Variants in TOX3 observed in about 807,000 individuals in gnomAD.
TOX3 encodes the protein CAG trinucleotide repeat-containing gene F9 protein.
Under a neutral mutation model 64.3 loss-of-function variants are expected in TOX3, and 22 were observed. That is an observed-to-expected ratio of 0.34 (90% confidence interval 0.24 to 0.49). The LOEUF is 0.49. Among genes scored for constraint, TOX3 ranks in the 20% least tolerant of loss-of-function variants. TOX3 has a pLI of 0.99. For missense variants in TOX3, 661 were observed against 714.4 expected (o/e 0.93, Z 0.85); for synonymous variants, 291 against 273.6 (o/e 1.06, Z -0.63).
chr16:52,544,946 A>C (rs1280330184), intron 1 of TOX3, among the ~76,000 whole-genome samples: 2 of 152,202 alleles, frequency 1.3e-5, no homozygotes. Context: ...TAGGCAAGGT[A>C]ATGGCTTCCA....
chr16:52,487,379 G>A (rs1192312531), intron 1 of TOX3, among the ~76,000 whole-genome samples: 4 of 151,866 alleles, frequency 2.6e-5, no homozygotes, highest in East Asian at 3.9e-4. Flanking sequence ...AGAAAAATAA[G>A]CTTCCTCAAT....
chr16:52,515,779 C>T (rs1962437559), intron 1 of TOX3, among the ~76,000 whole-genome samples: 2 of 152,248 alleles, frequency 1.3e-5, no homozygotes, highest in Admixed American at 6.5e-5. Flanking sequence ...TTCCTTTTTC[C>T]TTTTAAGGAT....
chr16:52,490,943 T>C (rs1457662801), intron 1 of TOX3, among the ~76,000 whole-genome samples: 2 of 152,160 alleles, frequency 1.3e-5, no homozygotes, highest in Non-Finnish European at 2.9e-5. Flanking sequence ...ATGTGATTTT[T>C]AACACAGTAT....
chr16:52,516,822 G>A (rs1377555618), intron 1 of TOX3, among the ~76,000 whole-genome samples: 5 of 152,170 alleles, frequency 3.3e-5, no homozygotes, highest in Non-Finnish European at 7.4e-5. Context: ...TATTTATTAT[G>A]TGGTGGTTGT....
At chr16:52,447,007 T>C (rs1467540680) in intron 4 of TOX3, among the ~76,000 whole-genome samples, 1 of 152,168 alleles carries the variant, frequency 6.6e-6, no homozygotes. Flanking sequence ...CTCACAAGAA[T>C]ACTCCATAGA....
intron 1 of TOX3, among the ~76,000 whole-genome samples, chr16:52,504,992 G>A (rs962258891): frequency 3.9e-5 from 6 of 151,938 alleles, no homozygotes; most frequent in Admixed American, 3.3e-4. Context: ...GCGCCACCAC[G>A]CCCGGCTAAT....
In TOX3 at chr16:52,439,675, T is replaced by A. The variant is rs1463011920; in HGVS notation, c.1281A>T (p.Ala427=). ...SSMGTTMVGS[A]PSTQVSPSVQ... ...CCGAAGGACTCACTTGGGTGGAGGG[T>A]GCTGAGCCAACCATGGTCGTTCCCA... Residue 427 remains alanine, a synonymous_variant, in exon 7 of 7, where the codon GCA becomes GCT. Coordinates refer to ENST00000219746, the MANE Select transcript of TOX3 (RefSeq NM_001080430.4). 1 of 1,613,790 alleles carries A rather than the reference T, an allele frequency of 6.2e-7. No homozygotes were observed. The highest frequency in any genetic ancestry group is 1.6e-4 in the Middle Eastern group (1 of 6,062).
chr16:52,515,123 A>G (rs1418595156), intron 1 of TOX3, among the ~76,000 whole-genome samples: 1 of 150,920 alleles, frequency 6.6e-6, no homozygotes, highest in African/African-American at 2.4e-5. Context: ...CTCAATATGT[A>G]ATTTAATTTC....
chr16:52,531,801 T>C (rs556542996), intron 1 of TOX3, among the ~76,000 whole-genome samples: 6 of 152,094 alleles, frequency 3.9e-5, no homozygotes, highest in East Asian at 3.9e-4. Context: ...ATAGATTCCA[T>C]TGAAGGTGAG....
intron 1 of TOX3, among the ~76,000 whole-genome samples, chr16:52,484,347 TC>T (rs1336232856): frequency 1.8e-4 from 28 of 152,294 alleles, no homozygotes; most frequent in African/African-American, 6.7e-4. Context: ...CAAAACCATA[TC>T]CAGTTTGACA....
chr16:52,461,034 T>C (rs1192223607), intron 3 of TOX3, among the ~76,000 whole-genome samples: 1 of 152,088 alleles, frequency 6.6e-6, no homozygotes, highest in Non-Finnish European at 1.5e-5. Flanking sequence ...CTTTCTGAAA[T>C]TGATGTACTA....
At chr16:52,520,600 A>C (rs1308603273) in intron 1 of TOX3, among the ~76,000 whole-genome samples, 1 of 152,258 alleles carries the variant, frequency 6.6e-6, no homozygotes, top group Admixed American at 6.5e-5. Flanking sequence ...TGTATTTTAC[A>C]GTTGAAAGTT....
chr16:52,543,923 T>A (rs1123428), intron 1 of TOX3, among the ~76,000 whole-genome samples: 78,045 of 151,920 alleles, frequency 0.51, 20,475 homozygotes, highest in East Asian at 0.63. Flanking sequence ...TTAAAGAGAG[T>A]AATGAATGAA....
intron 1 of TOX3, among the ~76,000 whole-genome samples, chr16:52,478,444 A>AT (rs1961279928): frequency 6.6e-6 from 1 of 152,184 alleles, no homozygotes; most frequent in Non-Finnish European, 1.5e-5. Context: ...AAGGACCTCC[A>AT]TGTGCCCTCC....
At chr16:52,516,917 C>T (rs1962474263) in intron 1 of TOX3, among the ~76,000 whole-genome samples, 2 of 151,964 alleles carry the variant, frequency 1.3e-5, no homozygotes, top group African/African-American at 2.4e-5. Flanking sequence ...TCTGACTCCC[C>T]GACCAAAAAA....
At chr16:52,460,596 A>G (rs577351785) in intron 3 of TOX3, among the ~76,000 whole-genome samples, 5 of 152,306 alleles carry the variant, frequency 3.3e-5, no homozygotes, top group East Asian at 1.9e-4. Flanking sequence ...ATGAAAGGTC[A>G]GTTCTATTCA....
chr16:52,462,917 T>A (rs1960735535), intron 3 of TOX3, among the ~76,000 whole-genome samples: 1 of 152,250 alleles, frequency 6.6e-6, no homozygotes, highest in East Asian at 1.9e-4. Context: ...GAAAATTATG[T>A]TGCTGCAATC....
At chr16:52,495,609 A>G (rs1056069431) in intron 1 of TOX3, among the ~76,000 whole-genome samples, 2 of 152,206 alleles carry the variant, frequency 1.3e-5, no homozygotes, top group Non-Finnish European at 2.9e-5. Flanking sequence ...GCACATGCAC[A>G]TGTGGTGTAC....
In TOX3 at chr16:52,446,149, C is replaced by CTTTCTT. The variant is rs1399658995; in HGVS notation, c.745_750dup (p.Lys249_Lys250dup). The CTTTCTT allele has an allele frequency of 5.6e-6, 9 of 1,613,792 alleles. No individual in the cohort carries two copies. The highest frequency in any genetic ancestry group is 7.6e-6 in the Non-Finnish European group (9 of 1,179,856). On this transcript the variant is annotated inframe_insertion, in exon 5 of 7. Coordinates refer to ENST00000219746, the MANE Select transcript of TOX3 (RefSeq NM_001080430.4). Reference sequence around the variant, plus strand: ...ACTGGCTTCTGTGGCTCATTGGGATCTTTCTTTTTCTTTTTCTTTGGAGTC... The same window carrying CTTTCTT: ...ACTGGCTTCTGTGGCTCATTGGGATCTTTCTTTTTCTTTTTCTTTTTCTTTGGAGTC...
Sources: gnomAD v4.1 joint callset for allele counts (sites outside exome capture counted in the v4.1 genomes callset) on GRCh38, gnomAD v4.1.1 for gene constraint, MANE v1.5 for transcripts, NCBI Gene and HGNC (gene_info 2026-07-23, HGNC 2026-07-21) for gene names.